INSC: variants seen among roughly 807,000 people sequenced by gnomAD.
INSC encodes INSC spindle orientation adaptor protein.
Under a neutral mutation model 58.6 loss-of-function variants are expected in INSC, and 67 were observed. The ratio of observed to expected loss-of-function variants is 1.14; its 90% CI spans 0.94 to 1.40. The LOEUF is 1.40. Ranked by LOEUF, INSC falls within the 40% of genes most tolerant of loss-of-function variation. The pLI, the probability that INSC is intolerant of heterozygous loss-of-function variation, is 0.00. For missense variants in INSC, 714 were observed against 692.0 expected (o/e 1.03, Z -0.36); for synonymous variants, 262 against 276.1 (o/e 0.95, Z 0.51).
chr11:15,168,561 C>G (rs1276951122), intron 2 of INSC, among the ~76,000 whole-genome samples: 1 of 152,172 alleles, frequency 6.6e-6, no homozygotes, highest in African/African-American at 2.4e-5. Flanking sequence ...GCACAGAGAA[C>G]TAACATTTTT....
intron 12 of INSC, chr11:15,241,593 A>G: frequency 1.4e-6 from 1 of 703,004 alleles, no homozygotes; most frequent in Non-Finnish European, 2.6e-6. Flanking sequence ...TGCAGGTAAA[A>G]AAGACAAACA....
At chr11:15,173,363 A>G (rs558372563) in intron 2 of INSC, among the ~76,000 whole-genome samples, 4 of 152,346 alleles carry the variant, frequency 2.6e-5, no homozygotes, top group African/African-American at 9.6e-5. Context: ...ATGCATGAGT[A>G]TGGAGAAAAA....
chr11:15,183,712 G>T (rs528856126), intron 5 of INSC, among the ~76,000 whole-genome samples: 5 of 152,120 alleles, frequency 3.3e-5, no homozygotes, highest in Admixed American at 3.3e-4. Flanking sequence ...TCTTTGAAGA[G>T]CCAAAGACTC....
chr11:15,112,654 G>GT, upstream of INSC: 1 of 313,144 alleles, frequency 3.2e-6, no homozygotes, highest in Non-Finnish European at 5.6e-6. Flanking sequence ...AAGTGGGGGG[G>GT]GGGCATTTAT....
In INSC at chr11:15,246,046, G is replaced by A; in HGVS notation, c.*6G>A. The stretch of plus-strand genomic sequence containing the variant: ...TGGAGGAGAGTTTTGTGTAGTGAGT[G>A]TGGGCGAAGAAATACATTTGGCTGT... On this transcript the variant is annotated 3_prime_UTR_variant, in exon 13 of 13. Transcript: ENST00000379556. 1 of 1,614,106 alleles carries A rather than the reference G, an allele frequency of 6.2e-7. No homozygotes were observed. Among genetic ancestry groups the A allele is most frequent in the Non-Finnish European group, 8.5e-7 (1 of 1,179,982 alleles).
At position 15,130,201 on chromosome 11, in the gene INSC, C is replaced by T. The variant is rs1848093403; in HGVS notation, c.-46+15198C>T. On this transcript the variant is annotated intron_variant, in intron 1 of 12. Coordinates refer to ENST00000379556, the MANE Select transcript of INSC (RefSeq NM_001042536.3). ...GAAATGCTTTCATTCAACATGTCAT[C>T]AAGTATATTTCTTGTGGTATATATT... Among the ~76,000 whole-genome samples, 3 of 152,220 alleles carry T rather than the reference C, an allele frequency of 2.0e-5. No individual in the cohort carries two copies. The South Asian group carries it at 6.2e-4, about 31-fold the overall frequency.
chr11:15,244,683 C>G (rs1018759985), intron 12 of INSC, among the ~76,000 whole-genome samples: 5 of 152,172 alleles, frequency 3.3e-5, no homozygotes, highest in Non-Finnish European at 5.9e-5. Flanking sequence ...GATCATGACA[C>G]TTAGCTTGCA....
chr11:15,182,919 C>G (rs533650478), intron 5 of INSC, among the ~76,000 whole-genome samples: 1 of 152,104 alleles, frequency 6.6e-6, no homozygotes, highest in Non-Finnish European at 1.5e-5. Context: ...CATTGCCTTG[C>G]CATACAAAAA....
chr11:15,149,056 C>A, intron 1 of INSC, 74 bp from the exon 2 acceptor site: 1 of 1,460,006 alleles, frequency 6.8e-7, no homozygotes. Context: ...TCCTTGTGGC[C>A]TGGGACTGGG....
chr11:15,205,665 T>C (rs1223496095), intron 7 of INSC, among the ~76,000 whole-genome samples: 2 of 152,032 alleles, frequency 1.3e-5, no homozygotes, highest in Admixed American at 6.6e-5. Flanking sequence ...CATGGAGAAG[T>C]TGGGTGGTCC....
the INSC span, among the ~76,000 whole-genome samples, chr11:15,262,592 A>G: frequency 1.3e-5 from 2 of 151,448 alleles, no homozygotes; most frequent in African/African-American, 2.4e-5. Context: ...AGAGAGGGGA[A>G]TTTGTGCCAT....
the INSC span, among the ~76,000 whole-genome samples, chr11:15,257,401 T>G: frequency 6.6e-6 from 1 of 152,192 alleles, no homozygotes; most frequent in Middle Eastern, 3.2e-3. Context: ...ATAAAAGATG[T>G]ACATAGTACA....
intron 7 of INSC, 131 bp from the exon 8 acceptor site, chr11:15,221,346 T>C: frequency 9.7e-7 from 1 of 1,032,474 alleles, no homozygotes; most frequent in Non-Finnish European, 1.4e-6. Flanking sequence ...CCACATGGGG[T>C]CCTGGGCTGT....
rs1040756381 is a variant in INSC at position 15,209,953 on chromosome 11, C to A, written c.819+9004C>A. ...GACAGAATGGAATTTGCCCTGAGCC[C>A]CTGTTTGCACCACTTAGCCCTGGCA... On this transcript the variant is annotated intron_variant, in intron 7 of 12. Transcript: ENST00000379556. 3.9e-5 allele frequency among the ~76,000 whole-genome samples: 6 copies of A among 152,282 alleles called. No individual in the cohort carries two copies. The South Asian group carries it at 1.0e-3, about 26-fold the overall frequency.
At chr11:15,164,076 G>C (rs959882623) in intron 2 of INSC, among the ~76,000 whole-genome samples, 1 of 151,786 alleles carries the variant, frequency 6.6e-6, no homozygotes, top group Admixed American at 6.6e-5. Flanking sequence ...TCTTGTTCCT[G>C]TTTTTTATAA....
intron 4 of INSC, 61 bp downstream of exon 4, chr11:15,177,224 C>T (rs1333014341): frequency 3.0e-6 from 4 of 1,333,680 alleles, no homozygotes; most frequent in Non-Finnish European, 4.3e-6. Context: ...GGAGAAGGGG[C>T]TGGTATCTTC....
At chr11:15,195,699 C>T (rs1850346080) in intron 6 of INSC, among the ~76,000 whole-genome samples, 2 of 152,180 alleles carry the variant, frequency 1.3e-5, no homozygotes, top group South Asian at 4.1e-4. Flanking sequence ...AAACATTAAT[C>T]CCAAACATTT....
At chr11:15,165,411 A>T (rs1293852562) in intron 2 of INSC, among the ~76,000 whole-genome samples, 4 of 152,190 alleles carry the variant, frequency 2.6e-5, no homozygotes, top group Non-Finnish European at 5.9e-5. Context: ...CTTAATAATC[A>T]CCAAAAGCCC....
chr11:15,115,875 G>A (rs1034426914), intron 1 of INSC, among the ~76,000 whole-genome samples: 1 of 152,166 alleles, frequency 6.6e-6, no homozygotes, highest in East Asian at 1.9e-4. Context: ...ATGCATATGC[G>A]CAAATGTATC....
Sources: gnomAD v4.1 joint callset for allele counts (sites outside exome capture counted in the v4.1 genomes callset) on GRCh38, gnomAD v4.1.1 for gene constraint, MANE v1.5 for transcripts, NCBI Gene and HGNC (gene_info 2026-07-23, HGNC 2026-07-21) for gene names.